Variants in ERBB4 observed in about 807,000 individuals in gnomAD.
ERBB4 encodes the protein receptor tyrosine-protein kinase erbB-4.
Under a neutral mutation model 158.0 loss-of-function variants are expected in ERBB4, and 42 were observed. That is an observed-to-expected ratio of 0.27 (90% confidence interval 0.21 to 0.34). The LOEUF is 0.34. Among genes scored for constraint, ERBB4 ranks in the 10% least tolerant of loss-of-function variants. The pLI, the probability that ERBB4 is intolerant of heterozygous loss-of-function variation, is 1.00. For missense variants in ERBB4, 1,333 were observed against 1,624.1 expected (o/e 0.82, Z 3.08); for synonymous variants, 583 against 558.7 (o/e 1.04, Z -0.61).
chr2:211,747,298 G>C (rs1224958334), intron 5 of ERBB4, among the ~76,000 whole-genome samples: 4 of 152,112 alleles, frequency 2.6e-5, no homozygotes, highest in African/African-American at 9.7e-5. Context: ...GTGCATTGCA[G>C]GGCATCATCT....
intron 2 of ERBB4, among the ~76,000 whole-genome samples, chr2:211,963,990 G>A (rs1456356265): frequency 6.6e-6 from 1 of 152,122 alleles, no homozygotes; most frequent in Non-Finnish European, 1.5e-5. Flanking sequence ...ACTTGTTACA[G>A]GTACAGTAGA....
intron 2 of ERBB4, among the ~76,000 whole-genome samples, chr2:212,058,796 T>A (rs2077664222): frequency 2.0e-5 from 3 of 152,250 alleles, no homozygotes; most frequent in Admixed American, 2.0e-4. Flanking sequence ...TATCTCAAAA[T>A]AATAAGAGCT....
At chr2:211,682,998 G>T in intron 12 of ERBB4, among the ~76,000 whole-genome samples, 1 of 150,264 alleles carries the variant, frequency 6.7e-6, no homozygotes, top group Non-Finnish European at 1.5e-5. Context: ...TTATTAAAAT[G>T]ATTTTATTTT....
In ERBB4 at chr2:212,341,035, C is replaced by T. The variant is rs58078344; in HGVS notation, c.82+197414G>A. Among the ~76,000 whole-genome samples the T allele has an allele frequency of 6.1e-3, 923 of 152,094 alleles. 5 individuals carry two copies. Among genetic ancestry groups the T allele is most frequent in the African/African-American group, 0.02 (826 of 41,486 alleles). ...AATCACTGCCTCACAACTATGGCTC[C>T]ATGTGTGTTATTTAATAAAATATTT... On this transcript the variant is annotated intron_variant, in intron 1 of 27. Transcript: ENST00000342788.
intron 1 of ERBB4, among the ~76,000 whole-genome samples, chr2:212,315,458 C>G (rs947312952): frequency 6.6e-6 from 1 of 151,414 alleles, no homozygotes. Context: ...TTTTTCTCTT[C>G]TAAATTTCCT....
chr2:212,493,500 C>T (rs1328413586), intron 1 of ERBB4, among the ~76,000 whole-genome samples: 10 of 151,458 alleles, frequency 6.6e-5, no homozygotes. Flanking sequence ...GCAAATATAA[C>T]AATTATTCCA....
intron 1 of ERBB4, among the ~76,000 whole-genome samples, chr2:212,206,206 T>A (rs1180546852): frequency 1.3e-5 from 2 of 152,158 alleles, no homozygotes; most frequent in Admixed American, 1.3e-4. Flanking sequence ...TATACCACTG[T>A]AACCTCAGCC....
chr2:211,733,664 A>C (rs888035859), intron 5 of ERBB4, among the ~76,000 whole-genome samples: 2 of 110,652 alleles, frequency 1.8e-5, no homozygotes, highest in African/African-American at 8.8e-5. Context: ...CCTGATAGAA[A>C]AACAAACAAA....
rs113811422 is a variant in ERBB4, at chr2:212,011,706, C to A, written c.235-64090G>T. 3.6e-3 allele frequency among the ~76,000 whole-genome samples: 541 copies of A among 150,904 alleles called. 2 individuals carry two copies. Among genetic ancestry groups the A allele is most frequent in the African/African-American group, 0.013 (515 of 41,080 alleles). On this transcript the variant is annotated intron_variant, in intron 2 of 27. Transcript: ENST00000342788. ...CAGAGGCTGTGGTGAGCTGAGACCA[C>A]ACCACTGCACTCCAGCCTGGGCAAG...
chr2:211,748,049 T>G (rs1213590290), intron 5 of ERBB4, among the ~76,000 whole-genome samples: 1 of 151,626 alleles, frequency 6.6e-6, no homozygotes, highest in Non-Finnish European at 1.5e-5. Flanking sequence ...TAATATATAG[T>G]TTTTTATATG....
chr2:212,194,272 A>G (rs1361611789), intron 1 of ERBB4, among the ~76,000 whole-genome samples: 2 of 136,888 alleles, frequency 1.5e-5, no homozygotes, highest in Non-Finnish European at 3.1e-5. Flanking sequence ...AATAATTTAT[A>G]TATAGTTTAA....
Position 211,981,413 on chromosome 2 carries a change from A to G in ERBB4, c.235-33797T>C, listed in dbSNP as rs546745830. On this transcript the variant is annotated intron_variant, in intron 2 of 27. Coordinates refer to ENST00000342788, the MANE Select transcript of ERBB4 (RefSeq NM_005235.3). Reference sequence around the variant, plus strand: ...TGTTACATTCTAATAAATTCTAAAAATCCAAACCTACTTAAAACTCTTTAG... The same window carrying G: ...TGTTACATTCTAATAAATTCTAAAAGTCCAAACCTACTTAAAACTCTTTAG... Among the ~76,000 whole-genome samples the G allele has an allele frequency of 3.9e-5, 6 of 152,338 alleles. No homozygotes were observed. In the South Asian group the frequency reaches 1.0e-3, roughly 26 times the overall value.
chr2:211,627,958 C>G (rs751145649), intron 17 of ERBB4, among the ~76,000 whole-genome samples: 2 of 152,046 alleles, frequency 1.3e-5, no homozygotes, highest in African/African-American at 2.4e-5. Context: ...TAAATGCATC[C>G]CATAAATTGT....
chr2:211,813,272 T>C (rs2076801339), intron 3 of ERBB4, among the ~76,000 whole-genome samples: 1 of 152,198 alleles, frequency 6.6e-6, no homozygotes, highest in African/African-American at 2.4e-5. Context: ...TCAGCAATGG[T>C]CGTGTATAAT....
intron 2 of ERBB4, among the ~76,000 whole-genome samples, chr2:212,004,771 A>G (rs1388181080): frequency 6.6e-6 from 1 of 152,090 alleles, no homozygotes; most frequent in Non-Finnish European, 1.5e-5. Flanking sequence ...TATATGTATT[A>G]ATATTTGATT....
intron 12 of ERBB4, among the ~76,000 whole-genome samples, chr2:211,687,177 C>T (rs964300150): frequency 6.6e-5 from 10 of 150,504 alleles, no homozygotes; most frequent in Non-Finnish European, 1.3e-4. Context: ...TGGTGGTGGG[C>T]GCCTGTAGTC....
At chr2:212,185,148 G>C (rs1049724702) in intron 1 of ERBB4, among the ~76,000 whole-genome samples, 4 of 151,762 alleles carry the variant, frequency 2.6e-5, no homozygotes, top group Non-Finnish European at 5.9e-5. Context: ...TGCCTCCCGA[G>C]TATCTGGGAT....
intron 1 of ERBB4, among the ~76,000 whole-genome samples, chr2:212,496,929 C>A (rs1690607465): frequency 6.6e-6 from 1 of 151,940 alleles, no homozygotes; most frequent in Non-Finnish European, 1.5e-5. Flanking sequence ...CCTGTAATCC[C>A]AGCACTTTGG....
chr2:212,338,791 A>T (rs1310349864), intron 1 of ERBB4, among the ~76,000 whole-genome samples: 4 of 152,166 alleles, frequency 2.6e-5, no homozygotes. Context: ...GAATTAAAGT[A>T]CATTTAAATG....
Sources: gnomAD v4.1 joint callset for allele counts (sites outside exome capture counted in the v4.1 genomes callset) on GRCh38, gnomAD v4.1.1 for gene constraint, MANE v1.5 for transcripts, NCBI Gene and HGNC (gene_info 2026-07-23, HGNC 2026-07-21) for gene names.